TMCC2: variants seen among roughly 807,000 people sequenced by gnomAD.
TMCC2 encodes the protein transmembrane and coiled-coil domains protein 2.
Under a neutral mutation model 49.4 loss-of-function variants are expected in TMCC2, and 16 were observed. The observed-to-expected ratio is 0.32, with a 90% confidence interval of 0.22 to 0.49. The LOEUF is 0.49. TMCC2 is among the 20% of genes least tolerant of loss of function. TMCC2 has a pLI of 0.99. For synonymous variants in TMCC2, 397 were observed against 434.1 expected, an observed-to-expected ratio of 0.91 and a Z score of 1.06; for missense variants, 762 against 989.8, an observed-to-expected ratio of 0.77 and a Z score of 3.09.
intron 2 of TMCC2, among the ~76,000 whole-genome samples, chr1:205,244,598 G>T (rs1396066509): frequency 6.6e-6 from 1 of 152,182 alleles, no homozygotes; most frequent in African/African-American, 2.4e-5. Flanking sequence ...TGTGCTGGCA[G>T]CACCCTAGTG....
chr1:205,272,157 C>A lies in TMCC2; in HGVS notation c.*33C>A, dbSNP rs781292260. ...GCCACACCAACCCTGTGCTCTCTGG[C>A]CCCCAGCTGGCCACACTTCTCCAGG... On this transcript the variant is annotated 3_prime_UTR_variant, in exon 5 of 5. Transcript: ENST00000358024. The A allele has an allele frequency of 1.3e-6, 2 of 1,597,150 alleles. No individual in the cohort carries two copies. Among genetic ancestry groups the A allele is most frequent in the South Asian group, 1.1e-5 (1 of 90,018 alleles).
intron 2 of TMCC2, among the ~76,000 whole-genome samples, chr1:205,259,913 A>G (rs1043714076): frequency 5.9e-5 from 9 of 152,152 alleles, no homozygotes; most frequent in African/African-American, 2.2e-4. Flanking sequence ...GAAGAGGAAT[A>G]GGGAAAGTTG....
At chr1:205,262,122 C>T (rs1252018918) in intron 2 of TMCC2, among the ~76,000 whole-genome samples, 2 of 152,308 alleles carry the variant, frequency 1.3e-5, no homozygotes, top group Non-Finnish European at 2.9e-5. Flanking sequence ...GTAGCTGTCA[C>T]CCTGGGTACA....
intron 2 of TMCC2, among the ~76,000 whole-genome samples, chr1:205,262,987 T>G (rs1032172930): frequency 6.6e-6 from 1 of 152,050 alleles, no homozygotes; most frequent in African/African-American, 2.4e-5. Flanking sequence ...CAGATGGAAG[T>G]GGTTGCCGAG....
intron 2 of TMCC2, among the ~76,000 whole-genome samples, chr1:205,244,519 T>A (rs1660386131): frequency 6.6e-6 from 1 of 152,152 alleles, no homozygotes; most frequent in Admixed American, 6.5e-5. Context: ...AAGCTTTGGC[T>A]TGGGGCAGAG....
intron 2 of TMCC2, among the ~76,000 whole-genome samples, chr1:205,266,361 C>T (rs370110691): frequency 1.3e-4 from 20 of 151,596 alleles, no homozygotes; most frequent in Middle Eastern, 3.4e-3. Context: ...GAGGCTGAGG[C>T]GGGTGGATCC....
At chr1:205,238,122 C>T (rs919584439) in intron 1 of TMCC2, among the ~76,000 whole-genome samples, 3 of 152,204 alleles carry the variant, frequency 2.0e-5, no homozygotes, top group African/African-American at 7.2e-5. Flanking sequence ...GGAGCTGGAA[C>T]CTGTTAGTCA....
At chr1:205,260,297 A>G (rs1661054005) in intron 2 of TMCC2, among the ~76,000 whole-genome samples, 2 of 152,156 alleles carry the variant, frequency 1.3e-5, no homozygotes, top group Non-Finnish European at 1.5e-5. Context: ...GGACTCTGTG[A>G]TGGTCTGGAG....
intron 1 of TMCC2, among the ~76,000 whole-genome samples, chr1:205,235,367 A>G (rs953806301): frequency 6.6e-6 from 1 of 152,236 alleles, no homozygotes; most frequent in East Asian, 1.9e-4. Context: ...TGGCAGGCTC[A>G]GTATTTACAG....
At chr1:205,232,450 C>A (rs988683438) in intron 1 of TMCC2, among the ~76,000 whole-genome samples, 2 of 152,294 alleles carry the variant, frequency 1.3e-5, no homozygotes, top group Middle Eastern at 3.4e-3. Context: ...TATTGCCCAG[C>A]CTTTTGCTGC....
intron 2 of TMCC2, among the ~76,000 whole-genome samples, chr1:205,246,274 G>A (rs543012253): frequency 2.5e-4 from 31 of 126,366 alleles, no homozygotes; most frequent in African/African-American, 8.8e-4. Context: ...ATGGCAAATA[G>A]AATGAGTACC....
At chr1:205,232,548 C>T (rs1574824957) in intron 1 of TMCC2, among the ~76,000 whole-genome samples, 1 of 152,170 alleles carries the variant, frequency 6.6e-6, no homozygotes, top group East Asian at 1.9e-4. Flanking sequence ...CACAATTCTA[C>T]AGCAAGAAAA....
intron 2 of TMCC2, among the ~76,000 whole-genome samples, chr1:205,244,567 G>A (rs1660388085): frequency 6.6e-6 from 1 of 152,166 alleles, no homozygotes; most frequent in Non-Finnish European, 1.5e-5. Flanking sequence ...GACCTGTCTG[G>A]TGTTGTAGAG....
chr1:205,246,654 A>G, intron 2 of TMCC2: 1 of 1,550,376 alleles, frequency 6.5e-7, no homozygotes, highest in Non-Finnish European at 8.7e-7. Flanking sequence ...ATGAGCAGAC[A>G]CTCTGCATGT....
intron 2 of TMCC2, among the ~76,000 whole-genome samples, chr1:205,244,033 G>A (rs1213771457): frequency 1.3e-5 from 2 of 152,174 alleles, no homozygotes; most frequent in African/African-American, 2.4e-5. Flanking sequence ...GCATAGAAGG[G>A]GCAGGTCACA....
intron 2 of TMCC2, chr1:205,256,316 C>T: frequency 1.9e-6 from 3 of 1,549,968 alleles, no homozygotes; most frequent in Non-Finnish European, 2.6e-6. Flanking sequence ...CTGCTCACTG[C>T]TCATTGTCCT....
rs904187973 is a variant in TMCC2, at chr1:205,269,601, C to T, written c.1399C>T (p.Leu467Phe). Residue 467 changes from leucine to phenylalanine, a missense_variant, in exon 3 of 5, where the codon CTC (leucine) becomes TTC (phenylalanine). This residue lies in a region of TMCC2 where 440 missense variants were observed against 636.7 expected (regional missense o/e 0.69). Coordinates refer to ENST00000358024, the MANE Select transcript of TMCC2 (RefSeq NM_014858.4). ...AARALSGSAT[L>F]VSSPKYGSDD... ...CCGGGCACTGAGCGGCAGTGCCACA[C>T]TCGTCTCCAGCCCCAAGTATGGCAG... 10 of 1,613,698 alleles carry T rather than the reference C, an allele frequency of 6.2e-6. No homozygotes were observed. The African/African-American group carries it at 8.0e-5, about 13-fold the overall frequency.
At chr1:205,262,611 T>C (rs1661161838) in intron 2 of TMCC2, among the ~76,000 whole-genome samples, 1 of 152,248 alleles carries the variant, frequency 6.6e-6, no homozygotes, top group South Asian at 2.1e-4. Flanking sequence ...CTCCAAACTT[T>C]GAAATAACCT....
chr1:205,229,634 T>G, intron 1 of TMCC2: 2 of 981,688 alleles, frequency 2.0e-6, no homozygotes, highest in Non-Finnish European at 2.4e-6. Flanking sequence ...TGCTTGGAGA[T>G]CTCTGCCTGC....
Sources: allele counts gnomAD v4.1 joint callset (sites outside exome capture counted in the v4.1 genomes callset), GRCh38; gene constraint gnomAD v4.1.1; regional missense constraint gnomAD v4.1.1; transcripts MANE v1.5; gene names NCBI Gene and HGNC (gene_info 2026-07-23, HGNC 2026-07-21).